The following PDSS2 variants were observed in gnomAD, a reference collection of about 807,000 sequenced individuals.
The protein encoded by PDSS2 is decaprenyl diphosphate synthase subunit 2.
A neutral mutation model predicts 44.5 loss-of-function variants in PDSS2; 31 were observed. The ratio of observed to expected loss-of-function variants is 0.70; its 90% CI spans 0.52 to 0.94. PDSS2 has a LOEUF of 0.94. Among genes scored for constraint, PDSS2 ranks in the 40% least tolerant of loss-of-function variants. PDSS2 has a pLI of 0.00. For missense variants in PDSS2, 452 were observed against 482.2 expected, an observed-to-expected ratio of 0.94 and a Z score of 0.59; for synonymous variants, 157 against 180.3, an observed-to-expected ratio of 0.87 and a Z score of 1.03.
At position 107,336,018 on chromosome 6, in the gene PDSS2, G is replaced by GA. The variant is rs1491555401; in HGVS notation, c.297-1687_297-1686insT. ...GTGGCTCATGCCCGGGGTGGGGGGG[G>GA]TGGGGGGTGGGGCATCACCTGAGGT... On this transcript the variant is annotated intron_variant, in intron 1 of 7. Transcript: ENST00000369037. 3.0e-5 allele frequency among the ~76,000 whole-genome samples: 4 copies of GA among 131,284 alleles called. No individual in the cohort carries two copies. The East Asian group carries it at 8.1e-4, about 27-fold the overall frequency. 86.1% of individuals were successfully genotyped at this position (131,284 alleles called of 152,430 possible).
intron 4 of PDSS2, among the ~76,000 whole-genome samples, chr6:107,222,290 T>G (rs1305022608): frequency 1.3e-5 from 2 of 152,196 alleles, no homozygotes; most frequent in Non-Finnish European, 2.9e-5. Context: ...GGGAGCTAAC[T>G]ATGTGATGAC....
At chr6:107,216,324 T>C (rs1015006344) in intron 4 of PDSS2, among the ~76,000 whole-genome samples, 15 of 151,196 alleles carry the variant, frequency 9.9e-5, no homozygotes, top group Admixed American at 8.6e-4. Context: ...AATACAAAAA[T>C]TAGCCGGGCA....
At chr6:107,220,602 T>G (rs1388037079) in intron 4 of PDSS2, among the ~76,000 whole-genome samples, 2 of 152,056 alleles carry the variant, frequency 1.3e-5, no homozygotes, top group Admixed American at 6.6e-5. Flanking sequence ...AAAGATTCAG[T>G]TTTGTTTATT....
rs1354731901 is a variant in PDSS2 at position 107,152,594 on chromosome 6, T to A, written c.*2025A>T. On this transcript the variant is annotated 3_prime_UTR_variant, in exon 8 of 8. Coordinates refer to ENST00000369037, the MANE Select transcript of PDSS2 (RefSeq NM_020381.4). ...ATTATCTTGTTTAATCTCTTTTTTT[T>A]TTTCACACTTGACTTTCAGGTCAAC... 2.0e-5 allele frequency: 3 copies of A among 152,186 alleles called. No individual in the cohort carries two copies. Among genetic ancestry groups the A allele is most frequent in the Non-Finnish European group, 4.4e-5 (3 of 68,028 alleles). 9.4% of individuals were successfully genotyped at this position (152,186 alleles called of 1,614,324 possible).
intron 2 of PDSS2, among the ~76,000 whole-genome samples, chr6:107,286,627 A>C (rs1200425063): frequency 2.6e-5 from 4 of 152,172 alleles, no homozygotes; most frequent in African/African-American, 9.6e-5. Flanking sequence ...ATATATGTGA[A>C]GCTTACCCAA....
chr6:107,285,992 T>C (rs1337874661), intron 2 of PDSS2, among the ~76,000 whole-genome samples: 1 of 151,792 alleles, frequency 6.6e-6, no homozygotes, highest in Non-Finnish European at 1.5e-5. Flanking sequence ...ATACGAAAAT[T>C]AGCTGGGCTT....
At chr6:107,444,362 A>G (rs1037274926) in intron 1 of PDSS2, among the ~76,000 whole-genome samples, 5 of 152,126 alleles carry the variant, frequency 3.3e-5, no homozygotes, top group Non-Finnish European at 7.4e-5. Context: ...TGATTTACAG[A>G]TGAAGAAACT....
At chr6:107,227,279 T>C (rs922582809) in intron 4 of PDSS2, among the ~76,000 whole-genome samples, 1 of 17,114 alleles carries the variant, frequency 5.8e-5, no homozygotes, top group Non-Finnish European at 8.7e-5. Context: ...CACTGTGCCC[T>C]TTTTTTTTTT....
In PDSS2 at chr6:107,179,212, C is replaced by T. The variant is rs141410218; in HGVS notation, c.1041+14610G>A. ...TAGGGAGATCTTCCACAGGGGGCAC[C>T]ATTGCGCTACACACTAATCAATCTT... On this transcript the variant is annotated intron_variant, in intron 7 of 7. Transcript: ENST00000369037. Among the ~76,000 whole-genome samples, 62 of 152,232 alleles carry T rather than the reference C, an allele frequency of 4.1e-4. 1 individual carries two copies. In the East Asian group the frequency reaches 0.011, roughly 27 times the overall value.
chr6:107,171,034 G>A (rs1276062535), intron 7 of PDSS2, among the ~76,000 whole-genome samples: 4 of 152,224 alleles, frequency 2.6e-5, no homozygotes, highest in Non-Finnish European at 5.9e-5. Context: ...GAAATACAGA[G>A]AGGAACACAG....
intron 7 of PDSS2, chr6:107,192,426 G>GA (rs1383637797): frequency 4.6e-5 from 22 of 483,012 alleles, no homozygotes; most frequent in East Asian, 5.9e-5. Flanking sequence ...GGCAGTGAAG[G>GA]AAAAAAAATC....
intron 1 of PDSS2, among the ~76,000 whole-genome samples, chr6:107,429,011 G>A (rs1781089269): frequency 2.0e-5 from 3 of 152,206 alleles, no homozygotes; most frequent in African/African-American, 4.8e-5. Context: ...AAAGGATGCA[G>A]CCACTACCTG....
At chr6:107,356,856 A>T (rs1267708410) in intron 1 of PDSS2, among the ~76,000 whole-genome samples, 2 of 152,214 alleles carry the variant, frequency 1.3e-5, no homozygotes, top group African/African-American at 4.8e-5. Context: ...ACATTTCTAC[A>T]GGCTACTAAA....
intron 2 of PDSS2, among the ~76,000 whole-genome samples, chr6:107,328,005 C>G (rs544183189): frequency 6.6e-6 from 1 of 152,286 alleles, no homozygotes; most frequent in African/African-American, 2.4e-5. Context: ...TTATGTTATA[C>G]AGAAGATCCA....
intron 2 of PDSS2, among the ~76,000 whole-genome samples, chr6:107,289,064 G>T (rs1353209307): frequency 1.3e-5 from 2 of 150,366 alleles, no homozygotes; most frequent in East Asian, 4.1e-4. Flanking sequence ...ACCGCGCCTG[G>T]CCGAAATTGA....
rs782400799 is a variant in PDSS2, at chr6:107,154,758, G to C, written c.1061C>G (p.Ala354Gly). ...AATAGCTGAAGTCACACCTTTGCCA[G>C]CTTTGATTCTTTCTCGCAACTGTTA... ...DYAKLRERIK[A>G]GKGVTSAIDL... The change falls in exon 8 of 8, where the codon GCT (alanine) becomes GGT (glycine). Residue 354 changes from alanine to glycine, a missense_variant. Coordinates refer to ENST00000369037, the MANE Select transcript of PDSS2 (RefSeq NM_020381.4). 2.0e-5 allele frequency: 32 copies of C among 1,613,992 alleles called. No individual in the cohort carries two copies. The highest frequency in any genetic ancestry group is 2.5e-5 in the Non-Finnish European group (29 of 1,180,004).
intron 1 of PDSS2, among the ~76,000 whole-genome samples, chr6:107,380,877 T>A (rs563682759): frequency 1.3e-4 from 20 of 152,350 alleles, no homozygotes; most frequent in Non-Finnish European, 2.2e-4. Context: ...CAGGAGAAAC[T>A]GGAAGTCACA....
At chr6:107,409,487 T>C (rs941415058) in intron 1 of PDSS2, among the ~76,000 whole-genome samples, 1 of 152,178 alleles carries the variant, frequency 6.6e-6, no homozygotes, top group African/African-American at 2.4e-5. Flanking sequence ...AAGTCAAGAA[T>C]AGTACAGGAG....
At chr6:107,213,016 C>G (rs74607306) in intron 4 of PDSS2, among the ~76,000 whole-genome samples, 1 of 151,768 alleles carries the variant, frequency 6.6e-6, no homozygotes, top group Non-Finnish European at 1.5e-5. Flanking sequence ...TTCTCTCCCC[C>G]TCTTTTTATT....
Sources: allele counts gnomAD v4.1 joint callset (sites outside exome capture counted in the v4.1 genomes callset), GRCh38; gene constraint gnomAD v4.1.1; transcripts MANE v1.5; gene names NCBI Gene and HGNC (gene_info 2026-07-23, HGNC 2026-07-21).